Variants in CNBD1 observed in about 807,000 individuals in gnomAD.
The protein encoded by CNBD1 is cyclic nucleotide binding domain containing 1, also known as cyclic nucleotide-binding domain-containing protein 1.
A neutral mutation model predicts 54.4 loss-of-function variants in CNBD1; 71 were observed. The ratio of observed to expected loss-of-function variants is 1.30; its 90% CI spans 1.08 to 1.59. The LOEUF (loss-of-function observed/expected upper bound fraction) is 1.59. CNBD1 is among the 40% of genes most tolerant of loss of function. The pLI is 0.00. For synonymous variants in CNBD1, 182 were observed against 170.7 expected (o/e 1.07, Z -0.51); for missense variants, 659 against 518.0 (o/e 1.27, Z -2.64).
rs926486312 is a variant in CNBD1 at position 87,374,388 on chromosome 8, C to G, written c.1304-8232C>G. On this transcript the variant is annotated intron_variant, in intron 10 of 10. Coordinates refer to ENST00000518476, the MANE Select transcript of CNBD1 (RefSeq NM_173538.3). ...TTGATAAAATTTACAGAGTTATGCACAAATGATAAAAAATACCACATTTAA... is the reference window on the plus strand; with the variant it reads ...TTGATAAAATTTACAGAGTTATGCAGAAATGATAAAAAATACCACATTTAA... 5.9e-5 allele frequency among the ~76,000 whole-genome samples: 9 copies of G among 151,752 alleles called. 1 individual carries two copies. The Admixed American group carries it at 5.9e-4, about 10-fold the overall frequency.
chr8:87,044,974 T>G (rs1280531017), intron 4 of CNBD1, among the ~76,000 whole-genome samples: 1 of 152,162 alleles, frequency 6.6e-6, no homozygotes, highest in East Asian at 1.9e-4. Flanking sequence ...CTAACTGATT[T>G]TTCCTTTTCT....
intron 4 of CNBD1, among the ~76,000 whole-genome samples, chr8:87,180,760 G>C (rs1306816215): frequency 1.3e-5 from 2 of 152,184 alleles, no homozygotes; most frequent in East Asian, 1.9e-4. Context: ...TGAGGGAGGA[G>C]TGTGTGTTTG....
At chr8:86,932,073 G>A (rs1379126445) in intron 3 of CNBD1, among the ~76,000 whole-genome samples, 1 of 152,116 alleles carries the variant, frequency 6.6e-6, no homozygotes, top group Admixed American at 6.6e-5. Context: ...CTGTCATTCT[G>A]TCATTTACTT....
chr8:87,074,706 G>C (rs190305851), intron 4 of CNBD1, among the ~76,000 whole-genome samples: 2 of 152,046 alleles, frequency 1.3e-5, no homozygotes, highest in African/African-American at 4.8e-5. Flanking sequence ...ACCACTCCTG[G>C]GTGGACTATC....
At chr8:87,183,079 T>C (rs780741769) in intron 4 of CNBD1, among the ~76,000 whole-genome samples, 13 of 152,152 alleles carry the variant, frequency 8.5e-5, no homozygotes, top group Non-Finnish European at 1.9e-4. Context: ...TTTTTGAATA[T>C]GGTGAAAGGG....
At chr8:87,384,074 A>G (rs762359419), downstream of CNBD1, among the ~76,000 whole-genome samples, 170 of 152,114 alleles carry the variant, frequency 1.1e-3, no homozygotes, top group Non-Finnish European at 1.8e-3. Flanking sequence ...TGCCTTCAAA[A>G]TCATTTGGCT....
At chr8:87,032,448 G>GA (rs1214878153) in intron 4 of CNBD1, among the ~76,000 whole-genome samples, 1 of 152,042 alleles carries the variant, frequency 6.6e-6, no homozygotes, top group South Asian at 2.1e-4. Context: ...TCATAGGAAA[G>GA]AAAAAATATA....
intron 4 of CNBD1, among the ~76,000 whole-genome samples, chr8:86,973,776 A>C (rs1303292481): frequency 6.6e-6 from 1 of 152,196 alleles, no homozygotes; most frequent in African/African-American, 2.4e-5. Context: ...GTCTGAGAGC[A>C]CTATTGACTC....
At chr8:87,254,788 G>C (rs1363366490) in intron 6 of CNBD1, among the ~76,000 whole-genome samples, 1 of 152,128 alleles carries the variant, frequency 6.6e-6, no homozygotes, top group East Asian at 1.9e-4. Context: ...CTATTTTTCA[G>C]CACTCCTTTT....
chr8:86,942,301 A>C (rs1002805271), intron 4 of CNBD1, among the ~76,000 whole-genome samples: 2 of 152,140 alleles, frequency 1.3e-5, no homozygotes, highest in Admixed American at 6.5e-5. Flanking sequence ...TTCTGTAATT[A>C]ATTAACATAA....
Position 87,301,092 on chromosome 8 carries a change from G to A in CNBD1, c.1042+14421G>A, listed in dbSNP as rs188584210. On this transcript the variant is annotated intron_variant, in intron 8 of 10. Transcript: ENST00000518476. ...ACACCTTTACATACATAAACTAGAA[G>A]ACCTAGAAGAGATGGATAAATTCCT... Among the ~76,000 whole-genome samples, 6 of 152,014 alleles carry A rather than the reference G, an allele frequency of 3.9e-5. No individual in the cohort carries two copies. In the East Asian group the frequency reaches 1.2e-3, roughly 29 times the overall value.
chr8:87,409,878 C>G (rs767077276), intron 2 of CNBD1, among the ~76,000 whole-genome samples: 12 of 151,816 alleles, frequency 7.9e-5, no homozygotes. Context: ...AAAAAATTAG[C>G]CTGGTGTGGT....
At chr8:86,875,824 T>C (rs1808512232) in intron 1 of CNBD1, among the ~76,000 whole-genome samples, 1 of 152,192 alleles carries the variant, frequency 6.6e-6, no homozygotes, top group Admixed American at 6.5e-5. Flanking sequence ...TTAGGGAGAT[T>C]ATAATTTTAA....
chr8:87,283,195 AATT>A (rs1808629304), intron 6 of CNBD1, among the ~76,000 whole-genome samples: 1 of 152,018 alleles, frequency 6.6e-6, no homozygotes, highest in Non-Finnish European at 1.5e-5. Flanking sequence ...TTAATCTACA[AATT>A]ATTGTGACCA....
chr8:86,967,180 G>T (rs1002798519), intron 4 of CNBD1, among the ~76,000 whole-genome samples: 5 of 152,176 alleles, frequency 3.3e-5, no homozygotes, highest in South Asian at 4.1e-4. Context: ...AAGTGCGTGT[G>T]GGGGGTCCTT....
intron 4 of CNBD1, among the ~76,000 whole-genome samples, chr8:87,079,019 C>T (rs2030726): frequency 6.6e-6 from 1 of 151,738 alleles, no homozygotes; most frequent in African/African-American, 2.4e-5. Context: ...TCTATCCCCC[C>T]CTTTTTTTCT....
chr8:86,923,878 G>C (rs1214633851), intron 3 of CNBD1, among the ~76,000 whole-genome samples: 10 of 152,144 alleles, frequency 6.6e-5, no homozygotes, highest in Admixed American at 6.5e-4. Context: ...CTGCTGAAAG[G>C]GAGAGCTTTA....
chr8:87,266,124 C>T lies in CNBD1; in HGVS notation c.772-18554C>T, dbSNP rs930690845. Among the ~76,000 whole-genome samples the T allele has an allele frequency of 4.0e-5, 6 of 151,840 alleles. 1 individual carries two copies. Among genetic ancestry groups the T allele is most frequent in the Admixed American group, 1.3e-4 (2 of 15,240 alleles). ...GCTAAATTACATTCATGAACAGAAA[C>T]ATTCAATATCTTAAAGATAAGTGTC... On this transcript the variant is annotated intron_variant, in intron 6 of 10. Coordinates refer to ENST00000518476, the MANE Select transcript of CNBD1 (RefSeq NM_173538.3).
chr8:87,231,252 A>G (rs975505565), intron 5 of CNBD1, among the ~76,000 whole-genome samples: 5 of 152,180 alleles, frequency 3.3e-5, no homozygotes, highest in Non-Finnish European at 7.4e-5. Flanking sequence ...TGTATTTTTT[A>G]ACTGAAAATG....
Sources: gnomAD v4.1 joint callset for allele counts (sites outside exome capture counted in the v4.1 genomes callset) on GRCh38, gnomAD v4.1.1 for gene constraint, MANE v1.5 for transcripts, NCBI Gene and HGNC (gene_info 2026-07-23, HGNC 2026-07-21) for gene names.